The following DGKI variants were observed in gnomAD, a reference collection of about 807,000 sequenced individuals.
DGKI encodes diacylglycerol kinase iota.
DGKI carries 55 observed loss-of-function variants against 147.5 expected under a neutral mutation model. The observed-to-expected ratio is 0.37, with a 90% CI of 0.30 to 0.47. The LOEUF (loss-of-function observed/expected upper bound fraction) is 0.47, where lower values mean the gene tolerates loss of function less well. Among genes scored for constraint, DGKI ranks in the 20% least tolerant of loss-of-function variants. The pLI is 1.00. For synonymous variants in DGKI, 469 were observed against 477.1 expected, an observed-to-expected ratio of 0.98 and a Z score of 0.22; for missense variants, 1,007 against 1,323.8, an observed-to-expected ratio of 0.76 and a Z score of 3.71.
chr7:137,827,588 C>T (rs765317230), intron 1 of DGKI, among the ~76,000 whole-genome samples: 14 of 152,184 alleles, frequency 9.2e-5, no homozygotes, highest in Non-Finnish European at 1.9e-4. Flanking sequence ...CCAAACAGAA[C>T]TAACCTCTCC....
chr7:137,397,401 A>C lies in DGKI; in HGVS notation c.2933T>G (p.Leu978Ter), dbSNP rs748229214. The change falls in exon 31 of 33, where the codon TTA becomes TGA. Residue 978 changes from leucine (L) to a stop codon, truncating the protein, a stop_gained. Coordinates refer to ENST00000614521, the MANE Select transcript of DGKI (RefSeq NM_001321708.2). LOFTEE classifies it high-confidence loss of function. ...CGTTTCACTGTCTGCCATATCCAAT[A>C]ACTCGGAAGGTCCTAAATAAGAAGA... The part of the protein sequence containing the change: ...KYILDHGPSE[L>*]LDMADSETGE... 6.2e-7 allele frequency: 1 copy of C among 1,613,370 alleles called. No individual in the cohort carries two copies.
At position 137,730,150 on chromosome 7, in the gene DGKI, G is replaced by A. The variant is rs113638503; in HGVS notation, c.402-40148C>T. 7.9e-5 allele frequency among the ~76,000 whole-genome samples: 12 copies of A among 152,014 alleles called. 1 individual carries two copies. Among genetic ancestry groups the A allele is most frequent in the East Asian group, 3.9e-4 (2 of 5,162 alleles). ...TTCATGCCTATAGCTCTAATAGGCCGCCTACACACCAACTCCACATCTCTA... is the reference window on the plus strand; with the variant it reads ...TTCATGCCTATAGCTCTAATAGGCCACCTACACACCAACTCCACATCTCTA... On this transcript the variant is annotated intron_variant, in intron 1 of 32. Coordinates refer to ENST00000614521, the MANE Select transcript of DGKI (RefSeq NM_001321708.2).
At chr7:137,457,669 T>A (rs1814257913) in intron 27 of DGKI, among the ~76,000 whole-genome samples, 2 of 152,176 alleles carry the variant, frequency 1.3e-5, no homozygotes, top group African/African-American at 4.8e-5. Flanking sequence ...TATCTCCAAA[T>A]AATTTCTCGG....
At chr7:137,400,632 T>G (rs1811718092) in intron 30 of DGKI, among the ~76,000 whole-genome samples, 1 of 152,122 alleles carries the variant, frequency 6.6e-6, no homozygotes, top group Admixed American at 6.5e-5. Flanking sequence ...GAGTCAGGCA[T>G]GCCCGCGGCT....
At chr7:137,397,517 T>C (rs1811597611) in intron 30 of DGKI, 104 bp from the exon 31 acceptor site, 2 of 1,099,882 alleles carry the variant, frequency 1.8e-6, no homozygotes, top group South Asian at 1.4e-5. Flanking sequence ...AAAGCTAAAT[T>C]TGGGGATAGG....
chr7:137,402,987 C>T (rs1811818174), intron 30 of DGKI, among the ~76,000 whole-genome samples: 1 of 151,650 alleles, frequency 6.6e-6, no homozygotes, highest in Admixed American at 6.6e-5. Flanking sequence ...ATGGGGTAGG[C>T]GTGGGGAGAA....
At chr7:137,803,753 A>G (rs114855900) in intron 1 of DGKI, among the ~76,000 whole-genome samples, 2,740 of 152,320 alleles carry the variant, frequency 0.018, 108 homozygotes, top group African/African-American at 0.063. Context: ...AATGAAACAT[A>G]TTAAGTAAGT....
intron 1 of DGKI, among the ~76,000 whole-genome samples, chr7:137,751,123 T>C (rs1795479490): frequency 6.6e-6 from 1 of 152,252 alleles, no homozygotes; most frequent in South Asian, 2.1e-4. Context: ...TTGGGCTTCA[T>C]GTCAAATAAC....
intron 21 of DGKI, among the ~76,000 whole-genome samples, chr7:137,504,273 A>G (rs1305835958): frequency 1.3e-5 from 2 of 152,246 alleles, no homozygotes; most frequent in African/African-American, 4.8e-5. Context: ...ATTATGTGAC[A>G]TTGCTGTTAC....
At position 137,391,169 on chromosome 7, in the gene DGKI, G is replaced by T; in HGVS notation, c.*51C>A. On this transcript the variant is annotated 3_prime_UTR_variant, in exon 33 of 33. Coordinates refer to ENST00000614521, the MANE Select transcript of DGKI (RefSeq NM_001321708.2). ...TCCAGGGGAGCTGCCCAATTGCAGG[G>T]AGGGCAGATGTGATACGCTTGCTCA... The T allele has an allele frequency of 7.5e-7, 1 of 1,342,176 alleles. No homozygotes were observed. The highest frequency in any genetic ancestry group is 1.1e-6 in the Non-Finnish European group (1 of 933,470). The allele number at this position is 1,342,176 out of a possible 1,614,324, so 83.1% of individuals were successfully genotyped here.
chr7:137,713,499 T>G (rs907180393), intron 1 of DGKI, among the ~76,000 whole-genome samples: 7 of 152,240 alleles, frequency 4.6e-5, no homozygotes, highest in African/African-American at 1.7e-4. Context: ...AATACACATT[T>G]ATTTTTAAGG....
chr7:137,475,874 A>G (rs1396672741), intron 23 of DGKI, among the ~76,000 whole-genome samples: 1 of 152,164 alleles, frequency 6.6e-6, no homozygotes, highest in Non-Finnish European at 1.5e-5. Flanking sequence ...AAGGATTTTG[A>G]GCCAGCTGCC....
chr7:137,638,503 TATATATA>T (rs1563125386), intron 6 of DGKI, among the ~76,000 whole-genome samples: 3 of 116,716 alleles, frequency 2.6e-5, no homozygotes, highest in Non-Finnish European at 5.1e-5. Context: ...CATATATATG[TATATATA>T]TGTGTGTATA....
chr7:137,668,747 G>C (rs1822734315), intron 3 of DGKI, among the ~76,000 whole-genome samples: 1 of 152,190 alleles, frequency 6.6e-6, no homozygotes, highest in South Asian at 2.1e-4. Context: ...AGGAGCAAGA[G>C]GGGAGGGAGA....
At chr7:137,538,413 C>T (rs1159533318) in intron 20 of DGKI, among the ~76,000 whole-genome samples, 1 of 152,198 alleles carries the variant, frequency 6.6e-6, no homozygotes, top group African/African-American at 2.4e-5. Context: ...ATTCAGTGGT[C>T]AAATATGACA....
At chr7:137,540,965 T>G (rs1000993063) in intron 20 of DGKI, among the ~76,000 whole-genome samples, 3 of 152,150 alleles carry the variant, frequency 2.0e-5, no homozygotes, top group Admixed American at 6.5e-5. Context: ...TTCCCCAAGT[T>G]GATCTATAGA....
chr7:137,526,295 G>T lies in DGKI; in HGVS notation c.2148-4329C>A, dbSNP rs183439696. ...ATACTGATTAGGCTCTGGATCAGGG[G>T]TTCTAAACCCGGCTTCCATGGAACA... On this transcript the variant is annotated intron_variant, in intron 20 of 32. Transcript: ENST00000614521. Among the ~76,000 whole-genome samples, 231 of 152,060 alleles carry T rather than the reference G, an allele frequency of 1.5e-3. 1 individual carries two copies. Among genetic ancestry groups the T allele is most frequent in the Non-Finnish European group, 2.4e-3 (166 of 67,948 alleles).
rs1257327425 is a variant in DGKI at position 137,465,760 on chromosome 7, CTT to C, written c.2612+146_2612+147del. 16 of 1,096,332 alleles carry C rather than the reference CTT, an allele frequency of 1.5e-5. No homozygotes were observed. The Admixed American group carries it at 3.5e-4, about 24-fold the overall frequency. The allele number at this position is 1,096,332 out of a possible 1,614,324, so 67.9% of individuals were successfully genotyped here. On this transcript the variant is annotated intron_variant, in intron 26 of 32. Transcript: ENST00000614521. ...TCTTCACGGCCATTCATAAGACAGACTTATAATAACCACTCTAAGGAAACACA... is the reference window on the plus strand; with the variant it reads ...TCTTCACGGCCATTCATAAGACAGACATAATAACCACTCTAAGGAAACACA...
chr7:137,756,943 T>C (rs192945485), intron 1 of DGKI, among the ~76,000 whole-genome samples: 165 of 152,360 alleles, frequency 1.1e-3, no homozygotes, highest in African/African-American at 3.7e-3. Flanking sequence ...CTCTCAACCA[T>C]GTGGGTTCCA....
Sources: gnomAD v4.1 joint callset for allele counts (sites outside exome capture counted in the v4.1 genomes callset) on GRCh38, gnomAD v4.1.1 for gene constraint, MANE v1.5 for transcripts, NCBI Gene and HGNC (gene_info 2026-07-23, HGNC 2026-07-21) for gene names.